Variants in ABCA3 observed in about 807,000 individuals in gnomAD.
ABCA3 encodes the protein phospholipid-transporting ATPase ABCA3.
Under a neutral mutation model 172.8 loss-of-function variants are expected in ABCA3, and 88 were observed. That is an observed-to-expected ratio of 0.51 (90% CI 0.43 to 0.61). The LOEUF (loss-of-function observed/expected upper bound fraction) is 0.61, where lower values mean the gene tolerates loss of function less well. Among genes scored for constraint, ABCA3 ranks in the 20% least tolerant of loss-of-function variants. ABCA3 has a pLI of 0.00. For synonymous variants in ABCA3, 1,066 were observed against 983.8 expected, an observed-to-expected ratio of 1.08 and a Z score of -1.56; for missense variants, 2,164 against 2,301.0, an observed-to-expected ratio of 0.94 and a Z score of 1.22.
In ABCA3 at chr16:2,277,534, G is replaced by T; in HGVS notation, c.4983+63C>A. 1 of 1,547,218 alleles carries T rather than the reference G, an allele frequency of 6.5e-7. No individual in the cohort carries two copies. Among genetic ancestry groups the T allele is most frequent in the Non-Finnish European group, 8.9e-7 (1 of 1,125,224 alleles). Reference sequence around the variant, plus strand: ...AGCCTGCAGTCACCACAGAGGGAGAGACCCCTGGAGGGACCTCCCCCTGCC... The same window carrying T: ...AGCCTGCAGTCACCACAGAGGGAGATACCCCTGGAGGGACCTCCCCCTGCC... On this transcript the variant is annotated intron_variant, in intron 32 of 32. Transcript: ENST00000301732. The surrounding 1 kb of genome is among the most constrained non-coding windows in gnomAD (Gnocchi z 5.3).
Position 2,326,430 on chromosome 16 carries a change from T to C in ABCA3, c.37A>G (p.Lys13Glu). ...GGACGCACCTGCAGGGTGTAGTTCT[T>C]CCAGAGGAGGAGCGCCAGCTGCCTG... Reference protein sequence around the residue: ...VLRQLALLLWKNYTLQKRKVL... With the variant: ...VLRQLALLLWENYTLQKRKVL... Residue 13 changes from lysine to glutamate, a missense_variant, in exon 4 of 33, where the codon AAG becomes GAG. Transcript: ENST00000301732. 1 of 1,612,956 alleles carries C rather than the reference T, an allele frequency of 6.2e-7. No individual in the cohort carries two copies. The highest frequency in any genetic ancestry group is 8.5e-7 in the Non-Finnish European group (1 of 1,179,586).
rs188506795 is a variant in ABCA3, at chr16:2,308,424, A to G, written c.1285+26T>C. ...CTCGAAGGTTACTGATTCGGAAAGA[A>G]CAGGCTGGACAAGGCAAACACTCAC... On this transcript the variant is annotated intron_variant, in intron 11 of 32. Transcript: ENST00000301732. 1,361 of 1,613,890 alleles carry G rather than the reference A, an allele frequency of 8.4e-4. 2 individuals carry two copies. The highest frequency in any genetic ancestry group is 1.1e-3 in the Non-Finnish European group (1,241 of 1,179,842).
intron 18 of ABCA3, 105 bp downstream of exon 18, chr16:2,295,485 G>A: frequency 6.4e-7 from 1 of 1,552,536 alleles, no homozygotes; most frequent in Non-Finnish European, 8.8e-7. Flanking sequence ...CGACTGGCCA[G>A]GCCAGAGAGG....
rs2093662494 is a variant in ABCA3 at position 2,285,945 on chromosome 16, C to T, written c.3279-299G>A. Among the ~76,000 whole-genome samples, 1 of 152,192 alleles carries T rather than the reference C, an allele frequency of 6.6e-6. No homozygotes were observed. Among genetic ancestry groups the T allele is most frequent in the Admixed American group, 6.5e-5 (1 of 15,274 alleles). ...CGACCTTGCCCAGGTGTGGAGGTCCCGAGCCCCACCTCCTCCTGGAGTGTG... is the reference window on the plus strand; with the variant it reads ...CGACCTTGCCCAGGTGTGGAGGTCCTGAGCCCCACCTCCTCCTGGAGTGTG... On this transcript the variant is annotated intron_variant, in intron 22 of 32. Transcript: ENST00000301732. This position sits in a 1 kb window ranked among gnomAD's most constrained non-coding sequence, Gnocchi z 4.7.
chr16:2,292,910 G>C (rs1219455100), intron 18 of ABCA3, among the ~76,000 whole-genome samples: 1 of 152,078 alleles, frequency 6.6e-6, no homozygotes, highest in Non-Finnish European at 1.5e-5. Flanking sequence ...AGCTGAGATC[G>C]CACCACTGGA....
chr16:2,301,978 A>T (rs2093690211), intron 12 of ABCA3, among the ~76,000 whole-genome samples: 1 of 152,266 alleles, frequency 6.6e-6, no homozygotes, highest in Non-Finnish European at 1.5e-5. Context: ...CCCAGGGCGG[A>T]AAACCGCTTA....
chr16:2,283,258 G>A lies in ABCA3; in HGVS notation c.3963C>T (p.Leu1321=). Residue 1321 remains leucine (L), a synonymous_variant, in exon 26 of 33, where the codon CTC becomes CTT. Coordinates refer to ENST00000301732, the MANE Select transcript of ABCA3 (RefSeq NM_001089.3). This position sits in a 1 kb window ranked among gnomAD's most constrained non-coding sequence, Gnocchi z 5.4. The part of the protein sequence containing the change: ...AASGCAYLIL[L]FLIETNLLQR... Reference sequence around the variant, plus strand: ...GAAGCAGGTTGGTCTCGATGAGGAAGAGCAGGATGAGGTAGGCGCACCCTG... The same window carrying A: ...GAAGCAGGTTGGTCTCGATGAGGAAAAGCAGGATGAGGTAGGCGCACCCTG... 6.2e-7 allele frequency: 1 copy of A among 1,613,470 alleles called. No individual in the cohort carries two copies.
chr16:2,288,458 A>G lies in ABCA3; in HGVS notation c.2701-129T>C, dbSNP rs947929173. On this transcript the variant is annotated intron_variant, in intron 20 of 32. Transcript: ENST00000301732. ...GCCTGCAGCTGAGGTTGCACCGGAG[A>G]CTCCCAGAGCGTTGAAACGGCCGTG... 69 of 1,143,370 alleles carry G rather than the reference A, an allele frequency of 6.0e-5. No homozygotes were observed. In the Admixed American group the frequency reaches 1.7e-3, roughly 28 times the overall value. 70.8% of individuals were successfully genotyped at this position (1,143,370 alleles called of 1,614,324 possible). A position where few individuals can be genotyped will look rare whatever the true frequency, so the allele number is the denominator to read the frequency against.
chr16:2,315,773 C>G (rs2093714287), intron 10 of ABCA3, among the ~76,000 whole-genome samples: 1 of 151,990 alleles, frequency 6.6e-6, no homozygotes, highest in Non-Finnish European at 1.5e-5. Context: ...AAGCAATGCT[C>G]CCACCTCAGC....
In ABCA3 at chr16:2,289,438, G is replaced by T. The variant is rs1395817566; in HGVS notation, c.2696C>A (p.Thr899Asn). The T allele has an allele frequency of 4.2e-6, 6 of 1,441,412 alleles. No individual in the cohort carries two copies. The highest frequency in any genetic ancestry group is 2.8e-6 in the Non-Finnish European group (3 of 1,075,664). 89.3% of individuals were successfully genotyped at this position (1,441,412 alleles called of 1,614,324 possible). Residue 899 changes from threonine (T) to asparagine (N), a missense_variant, in exon 20 of 33, where the codon ACT (threonine) becomes AAT (asparagine). Thr to Asn is a moderately conservative substitution (Grantham distance 65, BLOSUM62 0). This residue lies in a region of ABCA3 where 1,343 missense variants were observed against 1,369.6 expected (regional missense o/e 0.98). Transcript: ENST00000301732. The stretch of plus-strand genomic sequence containing the variant: ...CCCACCCACCTGGGCACTCACCCCA[G>T]TGTTGAGCTTGACAGCGGTGCGCTC... ...EEERTAVKLNTGLALHCQQFW... is the reference protein window; with the variant it reads ...EEERTAVKLNNGLALHCQQFW...
Position 2,326,338 on chromosome 16 carries a change from C to T in ABCA3, c.55-64G>A, listed in dbSNP as rs948501429. On this transcript the variant is annotated intron_variant, in intron 4 of 32. Coordinates refer to ENST00000301732, the MANE Select transcript of ABCA3 (RefSeq NM_001089.3). ...GGCAGAAGCAGGGGCATGCAGACAGCCCTTCCCTCAAGGGCATCCCCAGGA... is the reference window on the plus strand; with the variant it reads ...GGCAGAAGCAGGGGCATGCAGACAGTCCTTCCCTCAAGGGCATCCCCAGGA... 8 of 1,611,460 alleles carry T rather than the reference C, an allele frequency of 5.0e-6. No homozygotes were observed. The African/African-American group carries it at 1.1e-4, about 21-fold the overall frequency.
chr16:2,300,436 A>T (rs901456270), intron 12 of ABCA3, among the ~76,000 whole-genome samples: 2 of 152,114 alleles, frequency 1.3e-5, no homozygotes, highest in African/African-American at 4.8e-5. Flanking sequence ...TTTGTCAGCT[A>T]TGAAATTTCA....
At chr16:2,339,737 G>A (rs1050584635) in intron 1 of ABCA3, among the ~76,000 whole-genome samples, 2 of 152,220 alleles carry the variant, frequency 1.3e-5, no homozygotes, top group African/African-American at 2.4e-5. Flanking sequence ...AGTCCAGGAC[G>A]TAACCCGGAG....
Position 2,284,945 on chromosome 16 carries a change from A to AGCCATGTGGCCGTCCC in ABCA3, c.3521_3536dup (p.Asp1180GlyfsTer6). On this transcript the variant is annotated frameshift_variant, in exon 24 of 33. Transcript: ENST00000301732. LOFTEE classifies it high-confidence loss of function. This position sits in a 1 kb window ranked among gnomAD's most constrained non-coding sequence, Gnocchi z 5.9. Reference sequence around the variant, plus strand: ...AGAGCAGGAGCAGCAGCAGGGTGTCAGCCATGTGGCCGTCCCGCGTGAAGG... The same window carrying AGCCATGTGGCCGTCCC: ...AGAGCAGGAGCAGCAGCAGGGTGTCAGCCATGTGGCCGTCCCGCCATGTGGCCGTCCCGCGTGAAGG... The AGCCATGTGGCCGTCCC allele has an allele frequency of 6.2e-7, 1 of 1,613,892 alleles. No individual in the cohort carries two copies. Among genetic ancestry groups the AGCCATGTGGCCGTCCC allele is most frequent in the Non-Finnish European group, 8.5e-7 (1 of 1,179,998 alleles).
chr16:2,334,830 CTTTT>C (rs35251447), intron 1 of ABCA3, among the ~76,000 whole-genome samples: 11 of 131,550 alleles, frequency 8.4e-5, no homozygotes, highest in African/African-American at 2.5e-4. Context: ...AATATTAGTT[CTTTT>C]TTTTTTTTTT....
chr16:2,283,420 C>T lies in ABCA3; in HGVS notation c.3863-62G>A. The T allele has an allele frequency of 1.3e-6, 2 of 1,579,228 alleles. No individual in the cohort carries two copies. Among genetic ancestry groups the T allele is most frequent in the Non-Finnish European group, 1.7e-6 (2 of 1,157,854 alleles). ...GGGCACCCTCCTCCCCTTCCAGGTT[C>T]CCGGCCCCCACTCCCCTCCCCAGGC... is the stretch of plus-strand genomic sequence containing the variant. On this transcript the variant is annotated intron_variant, in intron 25 of 32. Transcript: ENST00000301732. This position sits in a 1 kb window ranked among gnomAD's most constrained non-coding sequence, Gnocchi z 5.4.
rs757508137 is a variant in ABCA3, at chr16:2,292,214, C to T, written c.2439G>A (p.Leu813=). 2.2e-5 allele frequency: 35 copies of T among 1,613,788 alleles called. No individual in the cohort carries two copies. Among genetic ancestry groups the T allele is most frequent in the Non-Finnish European group, 1.7e-6 (2 of 1,179,872 alleles). ...THRFEGLFAK[L]EKKQKELGIA... is the part of the protein sequence containing the mutation. ...TGCCCAGCTCTTTCTGCTTCTTCTC[C>T]AGTTTAGCAAAGAGACCTTCAAACC... The change falls in exon 19 of 33, where the codon CTG becomes CTA. Residue 813 remains leucine (L), a synonymous_variant. Transcript: ENST00000301732.
chr16:2,317,821 TG>T (rs1211711231), intron 8 of ABCA3, 57 bp from the exon 9 acceptor site: 2 of 1,529,696 alleles, frequency 1.3e-6, no homozygotes, highest in East Asian at 4.5e-5. Flanking sequence ...CATGATGGCA[TG>T]TGCCAGGCTG....
At chr16:2,331,378 TA>T (rs1441481799) in intron 1 of ABCA3, among the ~76,000 whole-genome samples, 5 of 152,196 alleles carry the variant, frequency 3.3e-5, no homozygotes, top group African/African-American at 1.2e-4. Flanking sequence ...CTTGTATTTT[TA>T]ATAGAGACGG....
Sources: allele counts gnomAD v4.1 joint callset (sites outside exome capture counted in the v4.1 genomes callset), GRCh38; gene constraint gnomAD v4.1.1; regional missense constraint gnomAD v4.1.1; non-coding constraint Gnocchi (gnomAD v3.1); transcripts MANE v1.5; gene names NCBI Gene and HGNC (gene_info 2026-07-23, HGNC 2026-07-21).